KHDRBS2: variants seen among roughly 807,000 people sequenced by gnomAD.
The protein encoded by KHDRBS2 is KH RNA binding domain containing, signal transduction associated 2.
A neutral mutation model predicts 44.3 loss-of-function variants in KHDRBS2; 26 were observed. The ratio of observed to expected loss-of-function variants is 0.59; its 90% CI spans 0.43 to 0.81. The LOEUF (loss-of-function observed/expected upper bound fraction) is 0.81, where lower values mean the gene tolerates loss of function less well. KHDRBS2 is among the 40% of genes least tolerant of loss of function. KHDRBS2 has a pLI of 0.00. For missense variants in KHDRBS2, 476 were observed against 433.1 expected, an observed-to-expected ratio of 1.10 and a Z score of -0.88; for synonymous variants, 194 against 151.1, an observed-to-expected ratio of 1.28 and a Z score of -2.08.
At chr6:62,216,481 C>A (rs986178826) in intron 1 of KHDRBS2, among the ~76,000 whole-genome samples, 8 of 151,562 alleles carry the variant, frequency 5.3e-5, no homozygotes, top group African/African-American at 1.9e-4. Flanking sequence ...ATACCAATAG[C>A]TACCTAAAGG....
At chr6:61,561,700 C>G in the KHDRBS2 span, among the ~76,000 whole-genome samples, 9 of 152,092 alleles carry the variant, frequency 5.9e-5, no homozygotes, top group Middle Eastern at 3.2e-3. Flanking sequence ...CTTCGGTCAG[C>G]TTGTGGTGAA....
intron 1 of KHDRBS2, among the ~76,000 whole-genome samples, chr6:62,178,053 C>T (rs887729911): frequency 1.3e-5 from 2 of 151,400 alleles, no homozygotes; most frequent in Admixed American, 6.6e-5. Context: ...TTTATAGACT[C>T]TATATTCTAA....
chr6:62,003,576 A>C (rs369254546), intron 3 of KHDRBS2, among the ~76,000 whole-genome samples: 3 of 152,148 alleles, frequency 2.0e-5, no homozygotes, highest in African/African-American at 7.2e-5. Flanking sequence ...GACAGACTTT[A>C]AAACTCCACT....
chr6:61,732,814 T>G (rs759609488), intron 6 of KHDRBS2, 50 bp from the exon 7 acceptor site: 14 of 979,694 alleles, frequency 1.4e-5, no homozygotes, highest in Non-Finnish European at 2.0e-5. Context: ...TGATTAACTT[T>G]GATCTGTTTT....
At chr6:61,998,858 G>T (rs1239172595) in intron 3 of KHDRBS2, among the ~76,000 whole-genome samples, 2 of 151,870 alleles carry the variant, frequency 1.3e-5, no homozygotes, top group African/African-American at 2.4e-5. Context: ...ACAAAATACT[G>T]CCTGTTCATC....
chr6:61,619,059 T>C, the KHDRBS2 span, among the ~76,000 whole-genome samples: 2 of 152,128 alleles, frequency 1.3e-5, no homozygotes, highest in African/African-American at 4.8e-5. Context: ...TTTTAAAAAA[T>C]AATATTGAAG....
At chr6:61,668,561 C>A in the KHDRBS2 span, among the ~76,000 whole-genome samples, 3 of 150,948 alleles carry the variant, frequency 2.0e-5, no homozygotes, top group Non-Finnish European at 4.5e-5. Flanking sequence ...TTTTAAGTAT[C>A]TAACGTTATT....
intron 1 of KHDRBS2, among the ~76,000 whole-genome samples, chr6:62,178,914 A>G (rs1585082009): frequency 6.6e-6 from 1 of 151,546 alleles, no homozygotes; most frequent in African/African-American, 2.4e-5. Flanking sequence ...TTAAGTATGA[A>G]CATGTTTCAT....
intron 2 of KHDRBS2, among the ~76,000 whole-genome samples, chr6:62,061,730 G>C (rs1471505899): frequency 6.7e-6 from 1 of 150,278 alleles, no homozygotes; most frequent in Non-Finnish European, 1.5e-5. Flanking sequence ...TGCCTTGCTA[G>C]ATTGGGGAAG....
intron 3 of KHDRBS2, among the ~76,000 whole-genome samples, chr6:62,025,381 T>C (rs1462074810): frequency 6.6e-6 from 1 of 151,770 alleles, no homozygotes; most frequent in Admixed American, 6.6e-5. Context: ...TTTAAAGATA[T>C]TGGTGTCTTT....
chr6:61,941,665 C>T (rs549277818), intron 4 of KHDRBS2, among the ~76,000 whole-genome samples: 3 of 152,090 alleles, frequency 2.0e-5, no homozygotes, highest in South Asian at 2.1e-4. Context: ...CTGTTCACAG[C>T]TGAAGGAATG....
intron 3 of KHDRBS2, among the ~76,000 whole-genome samples, chr6:62,028,008 A>G (rs1949365): frequency 0.83 from 125,950 of 152,020 alleles, 52,539 homozygotes; most frequent in Admixed American, 0.88. Context: ...TAGGTAACAC[A>G]GGGACTTACC....
At chr6:62,058,460 C>A (rs903757381) in intron 2 of KHDRBS2, among the ~76,000 whole-genome samples, 4 of 151,854 alleles carry the variant, frequency 2.6e-5, no homozygotes, top group Non-Finnish European at 2.9e-5. Flanking sequence ...CTGTTCTGTG[C>A]TTTGGCAACT....
chr6:61,600,354 CTTAAGTG>C, the KHDRBS2 span, among the ~76,000 whole-genome samples: 1 of 152,140 alleles, frequency 6.6e-6, no homozygotes, highest in African/African-American at 2.4e-5. Context: ...CAGTCCCTGC[CTTAAGTG>C]ATGACATTAC....
intron 1 of KHDRBS2, among the ~76,000 whole-genome samples, chr6:62,279,940 T>C (rs1361008290): frequency 1.2e-4 from 18 of 152,194 alleles, no homozygotes; most frequent in Non-Finnish European, 4.4e-5. Flanking sequence ...GTGCTGCTAA[T>C]ATAGTGATGA....
At chr6:62,235,550 T>C (rs934974534) in intron 1 of KHDRBS2, among the ~76,000 whole-genome samples, 1 of 152,068 alleles carries the variant, frequency 6.6e-6, no homozygotes, top group African/African-American at 2.4e-5. Flanking sequence ...TGTACATTTA[T>C]CTTGTGCTTT....
intron 2 of KHDRBS2, among the ~76,000 whole-genome samples, chr6:62,130,820 A>T (rs759811586): frequency 2.0e-5 from 3 of 152,042 alleles, no homozygotes; most frequent in Non-Finnish European, 2.9e-5. Context: ...TAATAGTGTC[A>T]AATATCTCAT....
chr6:61,709,079 G>A (rs1346258458), intron 7 of KHDRBS2, among the ~76,000 whole-genome samples: 1 of 151,650 alleles, frequency 6.6e-6, no homozygotes, highest in East Asian at 1.9e-4. Context: ...TGATAGGGCT[G>A]TTTTAAGTGT....
At chr6:62,273,350 T>C (rs1464171669) in intron 1 of KHDRBS2, among the ~76,000 whole-genome samples, 1 of 152,194 alleles carries the variant, frequency 6.6e-6, no homozygotes, top group African/African-American at 2.4e-5. Context: ...TAAGGGATTT[T>C]GTCCAACCCT....
Sources: allele counts gnomAD v4.1 joint callset (sites outside exome capture counted in the v4.1 genomes callset), GRCh38; gene constraint gnomAD v4.1.1; transcripts MANE v1.5; gene names NCBI Gene and HGNC (gene_info 2026-07-23, HGNC 2026-07-21).